The following CFAP70 variants were observed in gnomAD, a reference collection of about 807,000 sequenced individuals.
The protein encoded by CFAP70 is cilia- and flagella-associated protein 70.
In CFAP70, 81 loss-of-function variants were observed where a neutral mutation model predicts 137.6. The observed-to-expected ratio is 0.59, with a 90% CI of 0.49 to 0.71. The LOEUF is 0.71. Ranked by LOEUF, CFAP70 falls within the 30% of genes least tolerant of loss-of-function variation. CFAP70 has a pLI of 0.00. For missense variants in CFAP70, 976 were observed against 1,226.7 expected, an observed-to-expected ratio of 0.80 and a Z score of 3.05; for synonymous variants, 382 against 423.6, an observed-to-expected ratio of 0.90 and a Z score of 1.20.
chr10:73,345,727 C>T (rs555335890), intron 4 of CFAP70, among the ~76,000 whole-genome samples: 2 of 151,808 alleles, frequency 1.3e-5, no homozygotes, highest in South Asian at 4.2e-4. Context: ...ATCGCTTGAA[C>T]CCAGGGAGGC....
At chr10:73,325,392 G>A (rs1340985845) in intron 8 of CFAP70, among the ~76,000 whole-genome samples, 2 of 152,174 alleles carry the variant, frequency 1.3e-5, no homozygotes, top group African/African-American at 4.8e-5. Flanking sequence ...ATGCCAAATT[G>A]TAAAGACCAT....
In CFAP70 at chr10:73,275,513, T is replaced by C; in HGVS notation, c.2606A>G (p.His869Arg). ...CTTGGCAAAGTTCTTCTTAAGAATG[T>C]GTGTTTGGGCCAGCACCAAGTAATA... Residue 869 changes from histidine (H) to arginine (R), a missense_variant, in exon 22 of 27, where the codon CAC (histidine) becomes CGC (arginine). Physicochemically the swap from His to Arg is conservative, Grantham distance 29. Transcript: ENST00000310715. This position sits in a 1 kb window ranked among gnomAD's most constrained non-coding sequence, Gnocchi z 4.0. The C allele has an allele frequency of 6.2e-7, 1 of 1,612,158 alleles. No homozygotes were observed. Among genetic ancestry groups the C allele is most frequent in the Non-Finnish European group, 8.5e-7 (1 of 1,179,352 alleles).
At chr10:73,323,631 G>A (rs371620874) in intron 8 of CFAP70, among the ~76,000 whole-genome samples, 5 of 152,194 alleles carry the variant, frequency 3.3e-5, no homozygotes, top group South Asian at 4.1e-4. Context: ...CTAATACTGC[G>A]CTTTTGCCGA....
At chr10:73,340,252 G>A (rs2053127060) in intron 6 of CFAP70, among the ~76,000 whole-genome samples, 1 of 152,150 alleles carries the variant, frequency 6.6e-6, no homozygotes, top group African/African-American at 2.4e-5. Context: ...CTCTCTACAG[G>A]CAGGGCATCC....
intron 3 of CFAP70, among the ~76,000 whole-genome samples, chr10:73,350,941 A>ATG (rs1035891704): frequency 1.9e-4 from 28 of 145,504 alleles, no homozygotes; most frequent in East Asian, 4.1e-4. Context: ...GTGTGTATAT[A>ATG]TGTGTGTGTG....
chr10:73,321,240 A>T (rs1423051284), intron 9 of CFAP70, among the ~76,000 whole-genome samples: 2 of 152,048 alleles, frequency 1.3e-5, no homozygotes, highest in African/African-American at 4.8e-5. Context: ...AACATGGTGA[A>T]ACCTAGTTTC....
intron 9 of CFAP70, among the ~76,000 whole-genome samples, chr10:73,313,371 C>CAA (rs775077463): frequency 0.036 from 2,133 of 58,996 alleles, 125 homozygotes; most frequent in African/African-American, 0.12. Flanking sequence ...GACTCTGTCT[C>CAA]AAAAAAAAAA....
chr10:73,341,311 T>G (rs559931039), intron 6 of CFAP70, 88 bp downstream of exon 7: 1 of 1,166,494 alleles, frequency 8.6e-7, no homozygotes, highest in African/African-American at 1.5e-5. Context: ...AGGTGACAAA[T>G]GTATATAAAT....
intron 24 of CFAP70, among the ~76,000 whole-genome samples, chr10:73,270,112 GT>G (rs1197125724): frequency 1.3e-5 from 2 of 151,974 alleles, no homozygotes; most frequent in Admixed American, 1.3e-4. Context: ...TACATTTATA[GT>G]TTTTTTTCTT....
At chr10:73,323,836 G>C (rs903662122) in intron 8 of CFAP70, among the ~76,000 whole-genome samples, 3 of 152,214 alleles carry the variant, frequency 2.0e-5, no homozygotes, top group Admixed American at 1.3e-4. Context: ...GCTCCAACTG[G>C]GTGGAGCCCA....
At chr10:73,309,848 G>T (rs1212150552) in intron 12 of CFAP70, among the ~76,000 whole-genome samples, 1 of 151,822 alleles carries the variant, frequency 6.6e-6, no homozygotes, top group Non-Finnish European at 1.5e-5. Context: ...GTAGAGACGG[G>T]GTTTCACCGT....
chr10:73,358,122 C>T (rs2054808132), intron 1 of CFAP70, among the ~76,000 whole-genome samples: 1 of 152,214 alleles, frequency 6.6e-6, no homozygotes, highest in Non-Finnish European at 1.5e-5. Context: ...TGAAGCACTG[C>T]ACAAATGGTA....
chr10:73,354,686 G>A (rs2054533548), intron 2 of CFAP70, 48 bp downstream of exon 2: 1 of 1,520,516 alleles, frequency 6.6e-7, no homozygotes, highest in African/African-American at 1.4e-5. Flanking sequence ...TCCTCCTGCA[G>A]GTACTCCCAA....
intron 25 of CFAP70, among the ~76,000 whole-genome samples, chr10:73,262,742 G>C (rs1248686761): frequency 6.6e-6 from 1 of 152,200 alleles, no homozygotes; most frequent in East Asian, 1.9e-4. Context: ...GGTATCCACT[G>C]GGGGGTCTTG....
chr10:73,293,271 A>G, exon 16 of CFAP70: 11 of 1,609,912 alleles, frequency 6.8e-6, no homozygotes, highest in Non-Finnish European at 9.3e-6. Context: ...ACCTCTTTAT[A>G]ATATGCTGCT....
intron 19 of CFAP70, among the ~76,000 whole-genome samples, chr10:73,288,545 C>T (rs978507378): frequency 2.0e-5 from 3 of 152,138 alleles, no homozygotes; most frequent in African/African-American, 7.2e-5. Flanking sequence ...AGGCTGACTG[C>T]CAGCACTTGG....
Position 73,291,974 on chromosome 10 carries a change from TC to T in CFAP70, c.1810del (p.Asp604ThrfsTer8), listed in dbSNP as rs1407679533. On this transcript the variant is annotated frameshift_variant, in exon 17 of 27. Transcript: ENST00000310715. LOFTEE classifies it high-confidence loss of function. ...AGTTAGGAGGCAGAAGGCACCATAG[TC>T]CAACCAGTGATCCAGATTCTGGGGC... 1 of 1,614,190 alleles carries T rather than the reference TC, an allele frequency of 6.2e-7. No homozygotes were observed. Among genetic ancestry groups the T allele is most frequent in the Admixed American group, 1.7e-5 (1 of 60,020 alleles).
chr10:73,312,366 TAA>T, intron 10 of CFAP70, 105 bp downstream of exon 11: 1 of 833,266 alleles, frequency 1.2e-6, no homozygotes, highest in Non-Finnish European at 1.9e-6. Context: ...AAAGTAAAAT[TAA>T]AAAAAAATGC....
At chr10:73,358,516 G>C (rs1477486353) in intron 1 of CFAP70, among the ~76,000 whole-genome samples, 1 of 152,240 alleles carries the variant, frequency 6.6e-6, no homozygotes. Flanking sequence ...CCGCGCTCCT[G>C]TGGAGGTCGC....
Sources: allele counts gnomAD v4.1 joint callset (sites outside exome capture counted in the v4.1 genomes callset), GRCh38; gene constraint gnomAD v4.1.1; non-coding constraint Gnocchi (gnomAD v3.1); transcripts MANE v1.5; gene names NCBI Gene and HGNC (gene_info 2026-07-23, HGNC 2026-07-21).